ABCF2: variants seen among roughly 807,000 people sequenced by gnomAD.
ABCF2 encodes ATP binding cassette subfamily F member 2.
In ABCF2, 37 loss-of-function variants were observed where a neutral mutation model predicts 76.9. That is an observed-to-expected ratio of 0.48 (90% confidence interval 0.37 to 0.63). The LOEUF (loss-of-function observed/expected upper bound fraction) is 0.63. ABCF2 is among the 30% of genes least tolerant of loss of function. The pLI, the probability that ABCF2 is intolerant of heterozygous loss-of-function variation, is 0.00. For missense variants in ABCF2, 524 were observed against 782.1 expected, an observed-to-expected ratio of 0.67 and a Z score of 3.94; for synonymous variants, 299 against 283.7, an observed-to-expected ratio of 1.05 and a Z score of -0.54.
In ABCF2 at chr7:151,215,121, C is replaced by T. The variant is rs1255565143; in HGVS notation, c.1531-39G>A. ...TGACCTACATATAACTTGGCATTAT[C>T]CCCGCCAAACAGCACAGCTCATCTC... On this transcript the variant is annotated intron_variant, in intron 13 of 14. Transcript: ENST00000287844. The surrounding 1 kb of genome is among the most constrained non-coding windows in gnomAD (Gnocchi z 4.6). The T allele has an allele frequency of 1.3e-6, 2 of 1,553,576 alleles. No homozygotes were observed. The highest frequency in any genetic ancestry group is 1.8e-6 in the Non-Finnish European group (2 of 1,137,410).
rs1455578056 is a variant in ABCF2, at chr7:151,214,730, T to A, written c.1734+149A>T. 1.4e-6 allele frequency: 1 copy of A among 702,376 alleles called. No individual in the cohort carries two copies. The highest frequency in any genetic ancestry group is 1.8e-5 in the African/African-American group (1 of 56,198). 43.5% of individuals were successfully genotyped at this position (702,376 alleles called of 1,614,324 possible). Reference sequence around the variant, plus strand: ...CTTTCTAAGTAGCCCCAAAGAGGCATAAGAACTGGTCCTCACCACCTGTGT... The same window carrying A: ...CTTTCTAAGTAGCCCCAAAGAGGCAAAAGAACTGGTCCTCACCACCTGTGT... On this transcript the variant is annotated intron_variant, in intron 14 of 14. Coordinates refer to ENST00000287844, the MANE Select transcript of ABCF2 (RefSeq NM_007189.3). This position sits in a 1 kb window ranked among gnomAD's most constrained non-coding sequence, Gnocchi z 4.9.
At chr7:151,226,153 AC>A (rs1442182133) in intron 2 of ABCF2, 151 bp downstream of exon 2, 7 of 963,584 alleles carry the variant, frequency 7.3e-6, no homozygotes, top group Non-Finnish European at 9.2e-6. Flanking sequence ...ACAGGGTGGC[AC>A]GAATTCCAAC....
In ABCF2 at chr7:151,213,473, G is replaced by A. The variant is rs879391373; in HGVS notation, c.*581C>T. The A allele has an allele frequency of 5.6e-5, 55 of 985,616 alleles. No individual in the cohort carries two copies. Among genetic ancestry groups the A allele is most frequent in the Non-Finnish European group, 6.4e-5 (53 of 830,166 alleles). The allele number at this position is 985,616 out of a possible 1,614,324, so 61.1% of individuals were successfully genotyped here. ...GTGCATGTTGGCACTGCAGGGAGGA[G>A]AAGGCCCCAGAGACCCGAGAAGGAA... On this transcript the variant is annotated 3_prime_UTR_variant, in exon 15 of 15. Coordinates refer to ENST00000287844, the MANE Select transcript of ABCF2 (RefSeq NM_007189.3).
Position 151,224,810 on chromosome 7 carries a change from G to A in ABCF2, c.333C>T (p.Gly111=). The A allele has an allele frequency of 1.2e-6, 2 of 1,614,182 alleles. No homozygotes were observed. Among genetic ancestry groups the A allele is most frequent in the Non-Finnish European group, 1.7e-6 (2 of 1,180,050 alleles). Residue 111 remains glycine, a synonymous_variant, in exon 3 of 15, where the codon GGC becomes GGT. Transcript: ENST00000287844. ...LSDTKLELNS[G]RRYGLIGLNG... is the part of the protein sequence containing the mutation. ...TTAAACCAATGAGGCCATAACGACGGCCTGAGTTTAATTCCAGTTTGGTGT... is the reference window on the plus strand; with the variant it reads ...TTAAACCAATGAGGCCATAACGACGACCTGAGTTTAATTCCAGTTTGGTGT...
chr7:151,215,211 C>A lies in ABCF2; in HGVS notation c.1531-129G>T, dbSNP rs1336193478. 6.5e-6 allele frequency: 6 copies of A among 926,128 alleles called. No individual in the cohort carries two copies. Among genetic ancestry groups the A allele is most frequent in the Non-Finnish European group, 8.2e-6 (5 of 606,576 alleles). 57.4% of individuals were successfully genotyped at this position (926,128 alleles called of 1,614,324 possible). A position where few individuals can be genotyped will look rare whatever the true frequency, so the allele number is the denominator to read the frequency against. On this transcript the variant is annotated intron_variant, in intron 13 of 14. Coordinates refer to ENST00000287844, the MANE Select transcript of ABCF2 (RefSeq NM_007189.3). The surrounding 1 kb of genome is among the most constrained non-coding windows in gnomAD (Gnocchi z 4.6). ...TTATAAAAAGTGAGGCTCAGAGAGA[C>A]CCACTAGTCTCTTGAGGCCTGAAAG...
Position 151,212,011 on chromosome 7 carries a change from T to C in ABCF2, c.*2043A>G, listed in dbSNP as rs1293000264. The C allele has an allele frequency of 1.0e-6, 1 of 960,188 alleles. No homozygotes were observed. The highest frequency in any genetic ancestry group is 1.2e-6 in the Non-Finnish European group (1 of 807,048). The allele number at this position is 960,188 out of a possible 1,614,324, so 59.5% of individuals were successfully genotyped here. A position where few individuals can be genotyped will look rare whatever the true frequency, so the allele number is the denominator to read the frequency against. Reference sequence around the variant, plus strand: ...GGCAGCTACTCACAAGAAATTTCCCTCCTTTTTGAATACTTCTGTCTCCTA... The same window carrying C: ...GGCAGCTACTCACAAGAAATTTCCCCCCTTTTTGAATACTTCTGTCTCCTA... On this transcript the variant is annotated 3_prime_UTR_variant, in exon 15 of 15. Transcript: ENST00000287844.
intron 1 of ABCF2, chr7:151,226,838 A>G (rs1584848629): frequency 1.2e-5 from 2 of 172,754 alleles, no homozygotes; most frequent in South Asian, 2.9e-4. Flanking sequence ...GGCGCTCCGC[A>G]CTCAGCTAGC....
intron 6 of ABCF2, 67 bp downstream of exon 6, chr7:151,222,453 TG>T: frequency 1.5e-6 from 2 of 1,310,122 alleles, no homozygotes; most frequent in South Asian, 1.2e-5. Flanking sequence ...GTGCAGTTTC[TG>T]GGCATCCATT....
rs138874438 is a variant in ABCF2, at chr7:151,223,772, G to A, written c.628C>T (p.Arg210Trp). 51 of 1,613,718 alleles carry A rather than the reference G, an allele frequency of 3.2e-5. No homozygotes were observed. The highest frequency in any genetic ancestry group is 1.6e-4 in the Middle Eastern group (1 of 6,080). Residue 210 changes from arginine to tryptophan, a missense_variant, in exon 5 of 15, where the codon CGG (arginine) becomes TGG (tryptophan). Transcript: ENST00000287844. ...DADKAEMRAS[R>W]ILHGLGFTPA... The stretch of plus-strand genomic sequence containing the variant: ...GTGAAACCCAGTCCATGCAAGATCC[G>A]CGAGGCCCTCATCTCTGCCTTGTCG...
intron 8 of ABCF2, 87 bp from the exon 9 acceptor site, chr7:151,218,960 C>A: frequency 6.2e-7 from 1 of 1,608,868 alleles, no homozygotes; most frequent in South Asian, 1.1e-5. Context: ...ATCGTAACTT[C>A]TTCCCGACAT....
Position 151,214,801 on chromosome 7 carries a change from C to T in ABCF2, c.1734+78G>A. ...CTTAATTCAGTAGGCGGGTATTATG[C>T]ACCCTCCACATGCCATGACTACCCT... On this transcript the variant is annotated intron_variant, in intron 14 of 14. Coordinates refer to ENST00000287844, the MANE Select transcript of ABCF2 (RefSeq NM_007189.3). This position sits in a 1 kb window ranked among gnomAD's most constrained non-coding sequence, Gnocchi z 4.9. The T allele has an allele frequency of 2.2e-6, 3 of 1,383,694 alleles. No homozygotes were observed. The highest frequency in any genetic ancestry group is 3.1e-6 in the Non-Finnish European group (3 of 978,252). The allele number at this position is 1,383,694 out of a possible 1,614,324, so 85.7% of individuals were successfully genotyped here.
Position 151,218,805 on chromosome 7 carries a change from C to A in ABCF2, c.1086G>T (p.Thr362=), listed in dbSNP as rs370361417. 1 of 1,613,552 alleles carries A rather than the reference C, an allele frequency of 6.2e-7. No homozygotes were observed. Among genetic ancestry groups the A allele is most frequent in the South Asian group, 1.1e-5 (1 of 91,050 alleles). ...LARQAQSKEK[T]LQKMMASGLT... ...GTCCTGATGCCATCATTTTCTGTAGCGTCTTCTCCTTGCTCTGGGCCTGCC... is the reference window on the plus strand; with the variant it reads ...GTCCTGATGCCATCATTTTCTGTAGAGTCTTCTCCTTGCTCTGGGCCTGCC... The change falls in exon 9 of 15, where the codon ACG becomes ACT. Residue 362 remains threonine, a synonymous_variant. Transcript: ENST00000287844.
At chr7:151,223,350 C>G (rs958036292) in intron 5 of ABCF2, among the ~76,000 whole-genome samples, 1 of 152,110 alleles carries the variant, frequency 6.6e-6, no homozygotes, top group African/African-American at 2.4e-5. Flanking sequence ...CTGGAATTAG[C>G]AGGACTAGAG....
intron 2 of ABCF2, 102 bp from the exon 3 acceptor site, chr7:151,225,090 C>CA: frequency 9.6e-7 from 1 of 1,043,544 alleles, no homozygotes; most frequent in Admixed American, 1.8e-5. Context: ...GCTGAGCACT[C>CA]AGATGTTTCC....
Position 151,219,167 on chromosome 7 carries a change from GA to G in ABCF2, c.922-9del. ...GTACTGATCATAATTACCCTGCATG[GA>G]AATGTGCCAGGTAAGGCAGGCAGCT... On this transcript the variant is annotated splice_polypyrimidine_tract_variant and intron_variant, in intron 7 of 14. Coordinates refer to ENST00000287844, the MANE Select transcript of ABCF2 (RefSeq NM_007189.3). 1 of 1,612,844 alleles carries G rather than the reference GA, an allele frequency of 6.2e-7. No homozygotes were observed. Among genetic ancestry groups the G allele is most frequent in the Non-Finnish European group, 8.5e-7 (1 of 1,178,996 alleles).
At chr7:151,226,726 G>A in intron 1 of ABCF2, 1 of 345,562 alleles carries the variant, frequency 2.9e-6, no homozygotes. Flanking sequence ...AGTCCCCCAC[G>A]GACTGCCTCA....
At position 151,213,959 on chromosome 7, in the gene ABCF2, G is replaced by A. The variant is rs1473417660; in HGVS notation, c.*95C>T. ...GGGGGAGCAGTATTGCAGCAATGCA[G>A]GAGTGTAGCCCCAGGGTCCTGTCCT... On this transcript the variant is annotated 3_prime_UTR_variant, in exon 15 of 15. Transcript: ENST00000287844. 1 of 1,554,006 alleles carries A rather than the reference G, an allele frequency of 6.4e-7. No individual in the cohort carries two copies. The highest frequency in any genetic ancestry group is 8.6e-7 in the Non-Finnish European group (1 of 1,156,732).
Position 151,215,136 on chromosome 7 carries a change from C to G in ABCF2, c.1531-54G>C. On this transcript the variant is annotated intron_variant, in intron 13 of 14. Transcript: ENST00000287844. The surrounding 1 kb of genome is among the most constrained non-coding windows in gnomAD (Gnocchi z 4.6). ...TTGGCATTATCCCCGCCAAACAGCACAGCTCATCTCTCCCTCATTTCTCCC... is the reference window on the plus strand; with the variant it reads ...TTGGCATTATCCCCGCCAAACAGCAGAGCTCATCTCTCCCTCATTTCTCCC... 6.7e-7 allele frequency: 1 copy of G among 1,482,822 alleles called. No homozygotes were observed. The highest frequency in any genetic ancestry group is 9.3e-7 in the Non-Finnish European group (1 of 1,079,586). The allele number at this position is 1,482,822 out of a possible 1,614,324, so 91.9% of individuals were successfully genotyped here.
chr7:151,222,243 C>A (rs904027665), intron 6 of ABCF2, among the ~76,000 whole-genome samples: 23 of 151,634 alleles, frequency 1.5e-4, no homozygotes, highest in African/African-American at 4.6e-4. Context: ...AAAAATATAT[C>A]TTTAATTAAG....
Sources: allele counts gnomAD v4.1 joint callset (sites outside exome capture counted in the v4.1 genomes callset), GRCh38; gene constraint gnomAD v4.1.1; non-coding constraint Gnocchi (gnomAD v3.1); transcripts MANE v1.5; gene names NCBI Gene and HGNC (gene_info 2026-07-23, HGNC 2026-07-21).